The following CAPS2 variants were observed in gnomAD, a reference collection of about 807,000 sequenced individuals.
The protein encoded by CAPS2 is calcyphosine 2.
Under a neutral mutation model 86.5 loss-of-function variants are expected in CAPS2, and 98 were observed. The ratio of observed to expected loss-of-function variants is 1.13; its 90% CI spans 0.96 to 1.34. The LOEUF (loss-of-function observed/expected upper bound fraction) is 1.34, where lower values mean the gene tolerates loss of function less well. Among genes scored for constraint, CAPS2 ranks in the 40% most tolerant of loss-of-function variants. The pLI is 0.00. For missense variants in CAPS2, 729 were observed against 686.8 expected (o/e 1.06, Z -0.69); for synonymous variants, 210 against 225.1 (o/e 0.93, Z 0.60).
chr12:75,327,073 C>G (rs1374043924), upstream of CAPS2, among the ~76,000 whole-genome samples: 1 of 152,016 alleles, frequency 6.6e-6, no homozygotes, highest in African/African-American at 2.4e-5. Context: ...GATTTTAGCC[C>G]CTTAAGACTA....
intron 13 of CAPS2, 58 bp downstream of exon 13, chr12:75,291,686 T>G (rs149686440): frequency 1.3e-6 from 1 of 798,198 alleles, no homozygotes; most frequent in Non-Finnish European, 1.9e-6. Context: ...GCTGTTTTAC[T>G]GATTATAAAA....
chr12:75,327,278 G>T (rs1448685782), upstream of CAPS2, among the ~76,000 whole-genome samples: 1 of 152,002 alleles, frequency 6.6e-6, no homozygotes, highest in East Asian at 1.9e-4. Context: ...GCCAGAGTAG[G>T]CTGATGAAAA....
At chr12:75,311,225 C>A (rs908441179) in intron 7 of CAPS2, among the ~76,000 whole-genome samples, 2 of 152,064 alleles carry the variant, frequency 1.3e-5, no homozygotes, top group African/African-American at 2.4e-5. Context: ...GTTAAGCAGT[C>A]CCTGAAATAA....
At chr12:75,305,991 C>T in intron 7 of CAPS2, 1 of 1,437,830 alleles carries the variant, frequency 7.0e-7, no homozygotes, top group South Asian at 1.2e-5. Context: ...AGGGTCCTGA[C>T]AGGCCTCCTG....
chr12:75,323,083 T>C, exon 4 of CAPS2: 1 of 1,543,524 alleles, frequency 6.5e-7, no homozygotes, highest in South Asian at 1.2e-5. Flanking sequence ...ATATGAAAAA[T>C]TGTCCTAAAA....
In CAPS2 at chr12:75,343,032, T is replaced by C. The variant is rs1009002837; in HGVS notation, c.-394-19810A>G. 3.3e-5 allele frequency among the ~76,000 whole-genome samples: 5 copies of C among 151,972 alleles called. No individual in the cohort carries two copies. In the South Asian group the frequency reaches 6.2e-4, roughly 19 times the overall value. Reference sequence around the variant, plus strand: ...TTATTTTTATAGTATTGTTTATGTATTAATTTAAATTTTTATGTATCCAGT... The same window carrying C: ...TTATTTTTATAGTATTGTTTATGTACTAATTTAAATTTTTATGTATCCAGT... On this transcript the variant is annotated intron_variant, in intron 1 of 5. Coordinates refer to the CAPS2 transcript ENST00000551829.
intron 1 of CAPS2, among the ~76,000 whole-genome samples, chr12:75,377,734 G>T (rs1431414006): frequency 6.6e-6 from 1 of 151,946 alleles, no homozygotes; most frequent in South Asian, 2.1e-4. Context: ...CCAGTCCACT[G>T]ACTCAAATGT....
intron 1 of CAPS2, among the ~76,000 whole-genome samples, chr12:75,373,258 G>A (rs766884652): frequency 6.6e-6 from 1 of 152,140 alleles, no homozygotes; most frequent in Non-Finnish European, 1.5e-5. Flanking sequence ...AGGGGTGTCT[G>A]GGGAAGAAGG....
chr12:75,387,985 C>A (rs1175927817), intron 1 of CAPS2, among the ~76,000 whole-genome samples: 1 of 152,210 alleles, frequency 6.6e-6, no homozygotes, highest in East Asian at 1.9e-4. Flanking sequence ...ATGTTTATAA[C>A]AACTGTATTC....
chr12:75,351,592 G>A (rs1401325778), intron 1 of CAPS2, among the ~76,000 whole-genome samples: 2 of 150,310 alleles, frequency 1.3e-5, no homozygotes, highest in Non-Finnish European at 1.5e-5. Context: ...TGTCACCCAA[G>A]GTGGAGTGTA....
intron 1 of CAPS2, among the ~76,000 whole-genome samples, chr12:75,362,236 G>C (rs1025067446): frequency 1.3e-5 from 2 of 151,816 alleles, no homozygotes; most frequent in African/African-American, 2.4e-5. Context: ...AAGATATGTA[G>C]GTAACAAATA....
intron 1 of CAPS2, among the ~76,000 whole-genome samples, chr12:75,378,552 T>C (rs1039093831): frequency 6.6e-5 from 10 of 151,868 alleles, no homozygotes; most frequent in East Asian, 5.8e-4. Flanking sequence ...TAAGTGAGAG[T>C]TGCTGTTGCA....
chr12:75,301,889 A>AATAC (rs1351316685), intron 8 of CAPS2, among the ~76,000 whole-genome samples: 2 of 152,234 alleles, frequency 1.3e-5, no homozygotes, highest in Non-Finnish European at 1.5e-5. Flanking sequence ...GTTCTCTACC[A>AATAC]ATACATAAAG....
intron 11 of CAPS2, among the ~76,000 whole-genome samples, chr12:75,296,671 C>A (rs2036947021): frequency 1.3e-5 from 2 of 152,014 alleles, no homozygotes; most frequent in Non-Finnish European, 2.9e-5. Flanking sequence ...ACCAAAATTT[C>A]TTTTAAGGAG....
rs1294414290 is a variant in CAPS2 at position 75,367,156 on chromosome 12, G to T, written c.-395+23682C>A. On this transcript the variant is annotated intron_variant, in intron 1 of 5. Coordinates refer to the CAPS2 transcript ENST00000551829. ...ACCTCCAAAGTGGAAACCAAATAGGGTACCCAAAAGGCGGGGGGTTCTCCT... is the reference window on the plus strand; with the variant it reads ...ACCTCCAAAGTGGAAACCAAATAGGTTACCCAAAAGGCGGGGGGTTCTCCT... 1.9e-5 allele frequency: 12 copies of T among 615,564 alleles called. 1 individual carries two copies. The Admixed American group carries it at 2.0e-4, about 10-fold the overall frequency. The allele number at this position is 615,564 out of a possible 1,614,324, so 38.1% of individuals were successfully genotyped here. A position where few individuals can be genotyped will look rare whatever the true frequency, so the allele number is the denominator to read the frequency against.
chr12:75,321,864 T>A (rs554344546), intron 4 of CAPS2, among the ~76,000 whole-genome samples: 86 of 152,258 alleles, frequency 5.6e-4, no homozygotes, highest in African/African-American at 1.9e-3. Context: ...AAATGACTTA[T>A]CTTTCTTCTT....
chr12:75,379,285 T>C (rs2044828445), intron 1 of CAPS2, among the ~76,000 whole-genome samples: 2 of 152,148 alleles, frequency 1.3e-5, no homozygotes, highest in African/African-American at 2.4e-5. Context: ...TCTCAGAAAA[T>C]GGAGTTTATT....
At chr12:75,351,875 T>G (rs2042839064) in intron 1 of CAPS2, among the ~76,000 whole-genome samples, 2 of 152,102 alleles carry the variant, frequency 1.3e-5, no homozygotes, top group African/African-American at 4.8e-5. Context: ...AGAAAAAAAT[T>G]TTCAGTCTAG....
chr12:75,324,409 T>C (rs1425752902), intron 2 of CAPS2, among the ~76,000 whole-genome samples: 1 of 152,214 alleles, frequency 6.6e-6, no homozygotes. Flanking sequence ...ACTTAATATA[T>C]GCTCAAATTT....
Sources: allele counts gnomAD v4.1 joint callset (sites outside exome capture counted in the v4.1 genomes callset), GRCh38; gene constraint gnomAD v4.1.1; transcripts MANE v1.5; gene names NCBI Gene and HGNC (gene_info 2026-07-23, HGNC 2026-07-21).